The following DCAF17 variants were observed in gnomAD, a reference collection of about 807,000 sequenced individuals.
DCAF17 encodes the protein DDB1- and CUL4-associated factor 17.
In DCAF17, 48 loss-of-function variants were observed where a neutral mutation model predicts 66.0. The observed-to-expected ratio is 0.73, with a 90% CI of 0.58 to 0.92. The LOEUF is 0.92. Ranked by LOEUF, DCAF17 falls within the 40% of genes least tolerant of loss-of-function variation. The pLI is 0.00. For missense variants in DCAF17, 562 were observed against 622.8 expected (o/e 0.90, Z 1.04); for synonymous variants, 206 against 214.6 (o/e 0.96, Z 0.35).
In DCAF17 at chr2:171,483,276, C is replaced by G. The variant is rs1396657456; in HGVS notation, c.*2162C>G. The G allele has an allele frequency of 6.6e-6, 3 of 453,958 alleles. No individual in the cohort carries two copies. Among genetic ancestry groups the G allele is most frequent in the Non-Finnish European group, 1.3e-5 (3 of 226,790 alleles). 28.1% of individuals were successfully genotyped at this position (453,958 alleles called of 1,614,324 possible). ...CTTTACCTGATATTTTAATTCGAGA[C>G]TCTAGCTACATGCCCACCTACTTAA... On this transcript the variant is annotated 3_prime_UTR_variant, in exon 14 of 14. Transcript: ENST00000375255.
intron 8 of DCAF17, among the ~76,000 whole-genome samples, chr2:171,468,332 C>A (rs1347468155): frequency 6.6e-6 from 1 of 152,074 alleles, no homozygotes; most frequent in African/African-American, 2.4e-5. Flanking sequence ...TTCATTGTGA[C>A]AGGCCCTTTC....
chr2:171,442,429 T>C (rs1694356682), intron 2 of DCAF17, among the ~76,000 whole-genome samples: 1 of 151,798 alleles, frequency 6.6e-6, no homozygotes, highest in African/African-American at 2.4e-5. Flanking sequence ...CTGGGCATGG[T>C]AGCATGCACC....
intron 2 of DCAF17, among the ~76,000 whole-genome samples, chr2:171,441,301 T>TTC (rs1485669923): frequency 6.6e-6 from 1 of 152,258 alleles, no homozygotes; most frequent in Non-Finnish European, 1.5e-5. Context: ...AATGCCATGC[T>TTC]TCTCTCTGAG....
At chr2:171,479,262 A>G (rs550661528) in intron 12 of DCAF17, among the ~76,000 whole-genome samples, 75 of 152,356 alleles carry the variant, frequency 4.9e-4, no homozygotes, top group Non-Finnish European at 8.2e-4. Flanking sequence ...TGAGGGAAAC[A>G]TGCTATGCCT....
rs1025788507 is a variant in DCAF17 at position 171,434,389 on chromosome 2, G to C, written c.-189G>C. The C allele has an allele frequency of 1.0e-6, 1 of 977,310 alleles. No homozygotes were observed. Among genetic ancestry groups the C allele is most frequent in the Non-Finnish European group, 1.6e-6 (1 of 642,854 alleles). The allele number at this position is 977,310 out of a possible 1,614,324, so 60.5% of individuals were successfully genotyped here. On this transcript the variant is annotated 5_prime_UTR_variant, in exon 1 of 14. Coordinates refer to ENST00000375255, the MANE Select transcript of DCAF17 (RefSeq NM_025000.4). Reference sequence around the variant, plus strand: ...TCCCTTCTCTCCGCGCTCTGGCGGTGCAAGCGGCTCTGCTTTCCCTCGCCC... The same window carrying C: ...TCCCTTCTCTCCGCGCTCTGGCGGTCCAAGCGGCTCTGCTTTCCCTCGCCC...
chr2:171,477,531 C>T (rs1427091562), intron 11 of DCAF17, among the ~76,000 whole-genome samples: 1 of 152,122 alleles, frequency 6.6e-6, no homozygotes, highest in Admixed American at 6.5e-5. Context: ...TGGTGGCTCA[C>T]ACCTGTAATC....
intron 8 of DCAF17, among the ~76,000 whole-genome samples, chr2:171,462,879 GTAT>G (rs1054696458): frequency 2.0e-5 from 3 of 152,136 alleles, no homozygotes; most frequent in African/African-American, 7.2e-5. Context: ...AGTGGCATTA[GTAT>G]TATTATATCA....
chr2:171,437,443 A>T (rs1694039781), intron 2 of DCAF17, among the ~76,000 whole-genome samples: 1 of 152,122 alleles, frequency 6.6e-6, no homozygotes, highest in South Asian at 2.1e-4. Flanking sequence ...TGTTCCACTG[A>T]TCTGTATGTC....
intron 3 of DCAF17, chr2:171,447,527 A>ACT (rs2105747447): frequency 5.8e-6 from 1 of 172,466 alleles, no homozygotes; most frequent in East Asian, 1.9e-4. Flanking sequence ...CGCCCAGCTA[A>ACT]TTTTTGTATT....
chr2:171,443,989 T>G (rs1574328919), intron 3 of DCAF17, among the ~76,000 whole-genome samples: 1 of 152,174 alleles, frequency 6.6e-6, no homozygotes, highest in East Asian at 1.9e-4. Context: ...TTTTACGTTA[T>G]TTTACGTGTT....
At position 171,483,197 on chromosome 2, in the gene DCAF17, C is replaced by T. The variant is rs145934835; in HGVS notation, c.*2083C>T. On this transcript the variant is annotated 3_prime_UTR_variant, in exon 14 of 14. Transcript: ENST00000375255. ...AGCTCGCCAGAGTGTCACACAGCTG[C>T]TCATTCTGCCACCTGCCAGACATTA... The T allele has an allele frequency of 2.1e-4, 96 of 454,120 alleles. No homozygotes were observed. Among genetic ancestry groups the T allele is most frequent in the Non-Finnish European group, 3.0e-4 (69 of 226,794 alleles). 28.1% of individuals were successfully genotyped at this position (454,120 alleles called of 1,614,324 possible). A position where few individuals can be genotyped will look rare whatever the true frequency, so the allele number is the denominator to read the frequency against.
Position 171,483,954 on chromosome 2 carries a change from A to T in DCAF17, c.*2840A>T. 2.2e-6 allele frequency: 1 copy of T among 454,118 alleles called. No homozygotes were observed. The highest frequency in any genetic ancestry group is 4.4e-6 in the Non-Finnish European group (1 of 226,796). The allele number at this position is 454,118 out of a possible 1,614,324, so 28.1% of individuals were successfully genotyped here. Reference sequence around the variant, plus strand: ...TTATTTTATCCCAATTTAGCATACCAACAACTATAATACTAGATATGTAGG... The same window carrying T: ...TTATTTTATCCCAATTTAGCATACCTACAACTATAATACTAGATATGTAGG... On this transcript the variant is annotated 3_prime_UTR_variant, in exon 14 of 14. Coordinates refer to ENST00000375255, the MANE Select transcript of DCAF17 (RefSeq NM_025000.4).
In DCAF17 at chr2:171,484,743, C is replaced by T. The variant is rs1354007395; in HGVS notation, c.*3629C>T. 4.4e-6 allele frequency: 2 copies of T among 454,092 alleles called. No homozygotes were observed. The highest frequency in any genetic ancestry group is 3.1e-5 in the South Asian group (2 of 64,476). The allele number at this position is 454,092 out of a possible 1,614,324, so 28.1% of individuals were successfully genotyped here. A position where few individuals can be genotyped will look rare whatever the true frequency, so the allele number is the denominator to read the frequency against. The stretch of plus-strand genomic sequence containing the variant: ...AAGTTTCCTAAATCCCTCTCCCAGT[C>T]TATCCCCTCCCCACCCCTCAGGTAT... On this transcript the variant is annotated 3_prime_UTR_variant, in exon 14 of 14. Coordinates refer to ENST00000375255, the MANE Select transcript of DCAF17 (RefSeq NM_025000.4).
At chr2:171,477,292 T>C (rs1696542890) in intron 11 of DCAF17, among the ~76,000 whole-genome samples, 1 of 152,216 alleles carries the variant, frequency 6.6e-6, no homozygotes, top group Admixed American at 6.5e-5. Flanking sequence ...CATACCATAC[T>C]TTAACTCCAG....
At chr2:171,435,312 G>C (rs1693803588) in intron 2 of DCAF17, 126 bp downstream of exon 2, 3 of 727,626 alleles carry the variant, frequency 4.1e-6, no homozygotes, top group Admixed American at 2.5e-5. Context: ...TCCGAAATAA[G>C]ACTAGGCAGT....
At position 171,448,794 on chromosome 2, in the gene DCAF17, T is replaced by C; in HGVS notation, c.435T>C (p.Tyr145=). 1 of 1,613,114 alleles carries C rather than the reference T, an allele frequency of 6.2e-7. No individual in the cohort carries two copies. The highest frequency in any genetic ancestry group is 8.5e-7 in the Non-Finnish European group (1 of 1,179,308). Residue 145 remains tyrosine, a synonymous_variant, in exon 4 of 14, where the codon TAT becomes TAC. Transcript: ENST00000375255. ...CGGGAAAAATCCTTGAGAAAATATA[T>C]CTTGCACCTTATTGCAAATTCAGGT... ...ATTGKILEKI[Y]LAPYCKFRYL... is the part of the protein sequence containing the mutation.
At chr2:171,439,232 C>T (rs2105725734) in intron 2 of DCAF17, among the ~76,000 whole-genome samples, 1 of 152,166 alleles carries the variant, frequency 6.6e-6, no homozygotes, top group East Asian at 1.9e-4. Context: ...AATTCTCAGC[C>T]ATTATTACTT....
chr2:171,475,816 G>T (rs1235819177), intron 10 of DCAF17, among the ~76,000 whole-genome samples: 1 of 152,084 alleles, frequency 6.6e-6, no homozygotes, highest in Non-Finnish European at 1.5e-5. Flanking sequence ...TTTATGCTTC[G>T]TAGTAATCAG....
At chr2:171,438,851 C>T (rs1694120266) in intron 2 of DCAF17, among the ~76,000 whole-genome samples, 1 of 152,138 alleles carries the variant, frequency 6.6e-6, no homozygotes, top group East Asian at 1.9e-4. Context: ...ATCCGACCAT[C>T]TCAGCCTCCC....
Sources: gnomAD v4.1 joint callset for allele counts (sites outside exome capture counted in the v4.1 genomes callset) on GRCh38, gnomAD v4.1.1 for gene constraint, MANE v1.5 for transcripts, NCBI Gene and HGNC (gene_info 2026-07-23, HGNC 2026-07-21) for gene names.